The following EVC variants were observed in gnomAD, a reference collection of about 807,000 sequenced individuals.
The protein encoded by EVC is EvC ciliary complex subunit 1, also known as evC complex member EVC.
EVC carries 116 observed loss-of-function variants against 118.9 expected under a neutral mutation model. That is an observed-to-expected ratio of 0.98 (90% CI 0.84 to 1.14). EVC has a LOEUF of 1.14. Ranked by LOEUF, EVC falls within the 50% of genes most tolerant of loss-of-function variation. EVC has a pLI of 0.00. For missense variants in EVC, 1,401 were observed against 1,246.4 expected (o/e 1.12, Z -1.87); for synonymous variants, 619 against 534.7 (o/e 1.16, Z -2.18).
At chr4:5,786,224 C>A (rs556997653) in intron 12 of EVC, among the ~76,000 whole-genome samples, 52 of 152,332 alleles carry the variant, frequency 3.4e-4, no homozygotes, top group African/African-American at 1.1e-3. Flanking sequence ...AAGTTAAGAC[C>A]TTTTGCACAA....
intron 11 of EVC, among the ~76,000 whole-genome samples, chr4:5,782,961 G>GAGC (rs1389094531): frequency 1.3e-5 from 2 of 152,154 alleles, no homozygotes; most frequent in Non-Finnish European, 2.9e-5. Context: ...TGTGGGAGGA[G>GAGC]AGCAGGTGTG....
chr4:5,785,395 G>T (rs1012994761), intron 12 of EVC, among the ~76,000 whole-genome samples: 2 of 129,160 alleles, frequency 1.5e-5, no homozygotes, highest in South Asian at 2.1e-4. Context: ...TTGGGTTTGC[G>T]ATTAGTTACA....
intron 1 of EVC, among the ~76,000 whole-genome samples, chr4:5,713,199 G>A (rs765913609): frequency 1.5e-4 from 23 of 152,194 alleles, no homozygotes; most frequent in Non-Finnish European, 1.3e-4. Context: ...CCATGGAGGG[G>A]TCTGTGGCTC....
downstream of EVC, among the ~76,000 whole-genome samples, chr4:5,818,666 C>T (rs1001931661): frequency 2.0e-5 from 3 of 152,198 alleles, no homozygotes; most frequent in Admixed American, 6.5e-5. Context: ...CCAATACACT[C>T]AGCCCCCTCA....
At position 5,731,707 on chromosome 4, in the gene EVC, G is replaced by C; in HGVS notation, c.617+50G>C. The C allele has an allele frequency of 6.5e-7, 1 of 1,530,742 alleles. No homozygotes were observed. The highest frequency in any genetic ancestry group is 9.0e-7 in the Non-Finnish European group (1 of 1,117,286). The allele number at this position is 1,530,742 out of a possible 1,614,324, so 94.8% of individuals were successfully genotyped here. ...TGAGGCTTCCAGTCCTCTTGGAGTG[G>C]GCCGGGAGTCACATCATTGTCAGAG... On this transcript the variant is annotated intron_variant, in intron 4 of 20. Coordinates refer to ENST00000264956, the MANE Select transcript of EVC (RefSeq NM_153717.3). The surrounding 1 kb of genome is among the most constrained non-coding windows in gnomAD (Gnocchi z 5.6).
At chr4:5,783,019 G>A (rs1400115822) in intron 11 of EVC, among the ~76,000 whole-genome samples, 5 of 152,164 alleles carry the variant, frequency 3.3e-5, no homozygotes, top group African/African-American at 1.2e-4. Flanking sequence ...GAGAGCAGGT[G>A]TGAAGCTTGG....
chr4:5,803,692 A>G (rs780680025), intron 16 of EVC, among the ~76,000 whole-genome samples: 4 of 152,140 alleles, frequency 2.6e-5, no homozygotes, highest in Non-Finnish European at 5.9e-5. Flanking sequence ...AATCTGTTTT[A>G]TTTAAGAGTT....
At chr4:5,764,468 G>A (rs1732553926) in intron 11 of EVC, among the ~76,000 whole-genome samples, 1 of 145,192 alleles carries the variant, frequency 6.9e-6, no homozygotes, top group Admixed American at 6.8e-5. Flanking sequence ...AATAGTTTCA[G>A]AAGGAATGGT....
rs1388794781 is a variant in EVC at position 5,753,877 on chromosome 4, CA to C, written c.1409del (p.Gln470ArgfsTer30). On this transcript the variant is annotated frameshift_variant, in exon 10 of 21. Transcript: ENST00000264956. LOFTEE classifies it high-confidence loss of function. ...ACTCACGCTGGCCCAAGAGGAGGAA[CA>C]GAGAAGCTTCCTGGCTGAGGCCCAG... ...AKLTLAQEEEQRSFLAEAQPT... is the reference protein window; with the variant it reads ...AKLTLAQEEEXRSFLAEAQPT... 1 of 1,613,986 alleles carries C rather than the reference CA, an allele frequency of 6.2e-7. No homozygotes were observed. The highest frequency in any genetic ancestry group is 1.3e-5 in the African/African-American group (1 of 75,052).
intron 2 of EVC, among the ~76,000 whole-genome samples, chr4:5,726,138 T>G (rs1405446496): frequency 6.6e-6 from 1 of 152,232 alleles, no homozygotes; most frequent in African/African-American, 2.4e-5. Flanking sequence ...ATAGGGTGTC[T>G]TATTCCAAGG....
intron 4 of EVC, 79 bp from the exon 5 acceptor site, chr4:5,733,272 G>T: frequency 1.7e-6 from 2 of 1,181,760 alleles, no homozygotes; most frequent in Non-Finnish European, 2.5e-6. Context: ...GGCTTGTACT[G>T]ATGAGGGACG....
intron 11 of EVC, among the ~76,000 whole-genome samples, chr4:5,782,358 A>G (rs1044505290): frequency 6.8e-6 from 1 of 147,386 alleles, no homozygotes. Flanking sequence ...TACAAGCGTG[A>G]GCCACCATGC....
At chr4:5,711,671 C>T in intron 1 of EVC, 117 bp downstream of exon 1, 1 of 873,856 alleles carries the variant, frequency 1.1e-6, no homozygotes, top group Non-Finnish European at 1.4e-6. Context: ...GAACTTCGCA[C>T]GCAACCGCTT....
At chr4:5,799,976 C>G (rs1714678731) in intron 15 of EVC, among the ~76,000 whole-genome samples, 1 of 152,190 alleles carries the variant, frequency 6.6e-6, no homozygotes, top group African/African-American at 2.4e-5. Flanking sequence ...GTATTTTGTC[C>G]TCAGCTTTCC....
At position 5,731,412 on chromosome 4, in the gene EVC, A is replaced by C; in HGVS notation, c.385-13A>C. On this transcript the variant is annotated splice_polypyrimidine_tract_variant and intron_variant, in intron 3 of 20. Transcript: ENST00000264956. This position sits in a 1 kb window ranked among gnomAD's most constrained non-coding sequence, Gnocchi z 5.6. ...ATCACATGGACTGAGTGTGACTCCT[A>C]CTGCCACCCCAGCCTCTGGCCGATG... 4.4e-6 allele frequency: 7 copies of C among 1,605,386 alleles called. No homozygotes were observed. The highest frequency in any genetic ancestry group is 1.1e-5 in the South Asian group (1 of 90,878).
At chr4:5,797,958 G>A (rs1714281863) in intron 14 of EVC, among the ~76,000 whole-genome samples, 2 of 152,158 alleles carry the variant, frequency 1.3e-5, no homozygotes, top group African/African-American at 4.8e-5. Context: ...AGGTAGGCTG[G>A]CTCCAGGCCT....
Position 5,798,105 on chromosome 4 carries a change from C to T in EVC, c.2098-481C>T, listed in dbSNP as rs372968976. 1.5e-3 allele frequency among the ~76,000 whole-genome samples: 225 copies of T among 152,282 alleles called. No individual in the cohort carries two copies. The highest frequency in any genetic ancestry group is 5.2e-3 in the African/African-American group (217 of 41,564). ...GGACTCACGGACCTCGCTACAGCCCCGCTCACTTCTTTCTCTCTTATTTCT... is the reference window on the plus strand; with the variant it reads ...GGACTCACGGACCTCGCTACAGCCCTGCTCACTTCTTTCTCTCTTATTTCT... On this transcript the variant is annotated intron_variant, in intron 14 of 20. Coordinates refer to ENST00000264956, the MANE Select transcript of EVC (RefSeq NM_153717.3). The surrounding 1 kb of genome is among the most constrained non-coding windows in gnomAD (Gnocchi z 4.1).
intron 8 of EVC, among the ~76,000 whole-genome samples, chr4:5,751,465 C>T (rs1260945503): frequency 6.6e-6 from 1 of 152,266 alleles, no homozygotes; most frequent in Non-Finnish European, 1.5e-5. Context: ...CCACCTGGCA[C>T]CTCCGCTTAT....
In EVC at chr4:5,745,225, G is replaced by A. The variant is rs1206421778; in HGVS notation, c.823G>A (p.Gly275Arg). The A allele has an allele frequency of 6.2e-7, 1 of 1,613,570 alleles. No homozygotes were observed. Among genetic ancestry groups the A allele is most frequent in the Non-Finnish European group, 8.5e-7 (1 of 1,179,866 alleles). ...QEKDLEELEK[G>R]LQVKLSNTEM... is the part of the protein sequence containing the mutation. ...TCAGGATTTGGAGGAACTAGAAAAG[G>A]GACTTCAGGTCAAACTGTCAAACAC... Residue 275 changes from glycine to arginine, a missense_variant, in exon 7 of 21, where the codon GGA (glycine) becomes AGA (arginine). Gly to Arg is a moderately radical substitution (Grantham distance 125, BLOSUM62 -2). Coordinates refer to ENST00000264956, the MANE Select transcript of EVC (RefSeq NM_153717.3).
Sources: allele counts gnomAD v4.1 joint callset (sites outside exome capture counted in the v4.1 genomes callset), GRCh38; gene constraint gnomAD v4.1.1; non-coding constraint Gnocchi (gnomAD v3.1); transcripts MANE v1.5; gene names NCBI Gene and HGNC (gene_info 2026-07-23, HGNC 2026-07-21).